Variants in CD44 observed in about 807,000 individuals in gnomAD.
The protein encoded by CD44 is CD44 antigen.
In CD44, 49 loss-of-function variants were observed where a neutral mutation model predicts 88.8. That is an observed-to-expected ratio of 0.55 (90% CI 0.44 to 0.70). The LOEUF is 0.70. Among genes scored for constraint, CD44 ranks in the 30% least tolerant of loss-of-function variants. The pLI is 0.00. For missense variants in CD44, 883 were observed against 913.8 expected, an observed-to-expected ratio of 0.97 and a Z score of 0.43; for synonymous variants, 325 against 312.3, an observed-to-expected ratio of 1.04 and a Z score of -0.43.
chr11:35,161,324 T>C (rs1942571440), intron 1 of CD44, among the ~76,000 whole-genome samples: 1 of 152,138 alleles, frequency 6.6e-6, no homozygotes, highest in African/African-American at 2.4e-5. Flanking sequence ...TAAGAAAACA[T>C]AGCATGCATA....
At chr11:35,201,298 T>A in intron 8 of CD44, 103 bp downstream of exon 8, 1 of 821,028 alleles carries the variant, frequency 1.2e-6, no homozygotes, top group Admixed American at 2.0e-5. Context: ...AGTTAATATC[T>A]GATCAAGAAA....
intron 12 of CD44, 90 bp from the exon 13 acceptor site, chr11:35,209,875 T>C (rs1948232927): frequency 1.0e-5 from 8 of 788,692 alleles, no homozygotes; most frequent in South Asian, 1.6e-5. Context: ...TCCATCTGAC[T>C]CTACTCTAGC....
In CD44 at chr11:35,221,189, C is replaced by T. The variant is rs113674880; in HGVS notation, c.1946-465C>T. On this transcript the variant is annotated intron_variant, in intron 16 of 17. Coordinates refer to ENST00000428726, the MANE Select transcript of CD44 (RefSeq NM_000610.4). Reference sequence around the variant, plus strand: ...AATATTTCCTCCTCATATTGTAGTGCGTAATGCAATAGATGTACCCTAATT... The same window carrying T: ...AATATTTCCTCCTCATATTGTAGTGTGTAATGCAATAGATGTACCCTAATT... Among the ~76,000 whole-genome samples the T allele has an allele frequency of 2.8e-3, 419 of 152,234 alleles. 2 individuals are homozygous for T. The highest frequency in any genetic ancestry group is 9.4e-3 in the African/African-American group (390 of 41,528).
intron 1 of CD44, among the ~76,000 whole-genome samples, chr11:35,176,154 T>C (rs577347848): frequency 2.6e-4 from 39 of 151,658 alleles, no homozygotes; most frequent in African/African-American, 8.9e-4. Flanking sequence ...GCCATTCTCC[T>C]GCCTCAGCCT....
chr11:35,176,274 C>T (rs1456491986), intron 1 of CD44, among the ~76,000 whole-genome samples: 1 of 152,060 alleles, frequency 6.6e-6, no homozygotes, highest in African/African-American at 2.4e-5. Context: ...GATCTCCTGA[C>T]CTTGTGATCC....
chr11:35,195,666 CT>C (rs1381801866), intron 5 of CD44, among the ~76,000 whole-genome samples: 1 of 151,876 alleles, frequency 6.6e-6, no homozygotes, highest in Admixed American at 6.6e-5. Flanking sequence ...CTACTGTTAG[CT>C]CATATTCTTC....
At chr11:35,196,626 C>G (rs1014681381) in intron 5 of CD44, 120 bp from the exon 6 acceptor site, 3 of 1,067,310 alleles carry the variant, frequency 2.8e-6, no homozygotes, top group Admixed American at 2.9e-5. Flanking sequence ...TTCTTTTCAC[C>G]ATCTATATCA....
At chr11:35,222,866 A>T (rs1354985119) in intron 17 of CD44, 2 of 985,328 alleles carry the variant, frequency 2.0e-6, no homozygotes, top group East Asian at 2.3e-4. Context: ...GTGTCCCCAG[A>T]TCACCTCACA....
chr11:35,214,503 A>G (rs1948666079), intron 14 of CD44, among the ~76,000 whole-genome samples: 1 of 152,198 alleles, frequency 6.6e-6, no homozygotes, highest in Non-Finnish European at 1.5e-5. Flanking sequence ...TCTCAACCTC[A>G]TACCTGCAAA....
At chr11:35,221,871 A>G (rs540509554) in intron 17 of CD44, 139 bp downstream of exon 17, 1 of 757,818 alleles carries the variant, frequency 1.3e-6, no homozygotes, top group South Asian at 1.5e-5. Flanking sequence ...GCACAATCTC[A>G]GACCCAACCC....
intron 7 of CD44, among the ~76,000 whole-genome samples, chr11:35,200,199 T>C (rs1947180618): frequency 6.6e-6 from 1 of 152,132 alleles, no homozygotes; most frequent in Admixed American, 6.5e-5. Flanking sequence ...GAAAACAGTT[T>C]TGCGTTATTT....
chr11:35,152,058 T>C (rs1329329172), intron 1 of CD44, among the ~76,000 whole-genome samples: 1 of 152,210 alleles, frequency 6.6e-6, no homozygotes. Context: ...GGAAAGCTTT[T>C]GAAGATGAAA....
At chr11:35,195,519 T>C (rs1478939166) in intron 5 of CD44, among the ~76,000 whole-genome samples, 1 of 152,104 alleles carries the variant, frequency 6.6e-6, no homozygotes, top group East Asian at 1.9e-4. Flanking sequence ...GGAAAAGGTC[T>C]TTTTGGCAGT....
chr11:35,161,337 A>G (rs1942574816), intron 1 of CD44, among the ~76,000 whole-genome samples: 1 of 152,190 alleles, frequency 6.6e-6, no homozygotes, highest in Non-Finnish European at 1.5e-5. Flanking sequence ...CATGCATAAC[A>G]TCCCACAAGA....
intron 1 of CD44, among the ~76,000 whole-genome samples, chr11:35,150,025 G>T (rs1859994050): frequency 6.6e-6 from 1 of 152,098 alleles, no homozygotes; most frequent in African/African-American, 2.4e-5. Flanking sequence ...GTCAGTCCTG[G>T]GATTAACTGC....
chr11:35,219,428 A>G (rs1949110051), intron 16 of CD44, 41 bp downstream of exon 16: 1 of 1,448,568 alleles, frequency 6.9e-7, no homozygotes, highest in Non-Finnish European at 9.7e-7. Flanking sequence ...CACTGAAAGC[A>G]GCTTTCTCAG....
intron 1 of CD44, among the ~76,000 whole-genome samples, chr11:35,164,728 G>A (rs1306821717): frequency 6.6e-6 from 1 of 152,202 alleles, no homozygotes; most frequent in Non-Finnish European, 1.5e-5. Context: ...CAATCTTTAT[G>A]AAAAACTTTA....
intron 11 of CD44, 116 bp downstream of exon 11, chr11:35,206,359 C>G: frequency 9.7e-7 from 1 of 1,029,588 alleles, no homozygotes; most frequent in South Asian, 1.9e-5. Flanking sequence ...CCTGAAGGAC[C>G]TGAGGTTCTT....
At chr11:35,209,442 C>T (rs969045308) in intron 12 of CD44, among the ~76,000 whole-genome samples, 1 of 152,144 alleles carries the variant, frequency 6.6e-6, no homozygotes, top group South Asian at 2.1e-4. Flanking sequence ...TAAGTATTTC[C>T]TTGTATAAAT....
Sources: allele counts gnomAD v4.1 joint callset (sites outside exome capture counted in the v4.1 genomes callset), GRCh38; gene constraint gnomAD v4.1.1; transcripts MANE v1.5; gene names NCBI Gene and HGNC (gene_info 2026-07-23, HGNC 2026-07-21).